The following PCDHGB6 variants were observed in gnomAD, a reference collection of about 807,000 sequenced individuals.
The protein encoded by PCDHGB6 is protocadherin gamma-B6.
Under a neutral mutation model 59.1 loss-of-function variants are expected in PCDHGB6, and 51 were observed. The observed-to-expected ratio is 0.86, with a 90% CI of 0.69 to 1.09. PCDHGB6 has a LOEUF of 1.09. Ranked by LOEUF, PCDHGB6 falls within the 50% of genes least tolerant of loss-of-function variation. The pLI is 0.00. For missense variants in PCDHGB6, 1,148 were observed against 1,205.1 expected (o/e 0.95, Z 0.70); for synonymous variants, 466 against 495.1 (o/e 0.94, Z 0.78).
intron 1 of PCDHGB6, among the ~76,000 whole-genome samples, chr5:141,444,476 C>A (rs1228271706): frequency 6.6e-6 from 1 of 152,088 alleles, no homozygotes; most frequent in Non-Finnish European, 1.5e-5. Flanking sequence ...CGGTCGCGTA[C>A]TGGATTTATA....
chr5:141,416,859 G>A (rs1411419006), intron 1 of PCDHGB6: 1 of 151,936 alleles, frequency 6.6e-6, no homozygotes, highest in South Asian at 2.1e-4. Context: ...ATTTTTTTCA[G>A]GTCAGTCAAC....
intron 1 of PCDHGB6, chr5:141,427,865 G>T: frequency 6.4e-7 from 1 of 1,558,148 alleles, no homozygotes; most frequent in Non-Finnish European, 8.8e-7. Context: ...GCGCCTTCGA[G>T]CTCACGATGC....
At chr5:141,460,134 T>TCAAAGA in intron 1 of PCDHGB6, among the ~76,000 whole-genome samples, 1 of 152,066 alleles carries the variant, frequency 6.6e-6, no homozygotes, top group South Asian at 2.1e-4. Flanking sequence ...AATATATATA[T>TCAAAGA]TCTTGATGTG....
chr5:141,436,087 T>C (rs927404291), intron 1 of PCDHGB6, among the ~76,000 whole-genome samples: 1 of 152,198 alleles, frequency 6.6e-6, no homozygotes, highest in Non-Finnish European at 1.5e-5. Flanking sequence ...CTATAGGTAA[T>C]ATTGAGAGAA....
intron 1 of PCDHGB6, among the ~76,000 whole-genome samples, chr5:141,482,633 G>T (rs1218163238): frequency 2.0e-5 from 3 of 151,784 alleles, no homozygotes; most frequent in Non-Finnish European, 2.9e-5. Flanking sequence ...AGGAAGAAAT[G>T]ATAGAGGTGG....
chr5:141,432,120 A>G lies in PCDHGB6; in HGVS notation c.2418+21500A>G, dbSNP rs764363553. 12 of 1,613,978 alleles carry G rather than the reference A, an allele frequency of 7.4e-6. No homozygotes were observed. The highest frequency in any genetic ancestry group is 5.3e-5 in the African/African-American group (4 of 74,894). ...AACGACAACCCGCCGGTCTTCCCTCAGGCCTCCTATTCCGCTTATATCCCA... is the reference window on the plus strand; with the variant it reads ...AACGACAACCCGCCGGTCTTCCCTCGGGCCTCCTATTCCGCTTATATCCCA... On this transcript the variant is annotated intron_variant, in intron 1 of 3. Transcript: ENST00000520790. The surrounding 1 kb of genome is among the most constrained non-coding windows in gnomAD (Gnocchi z 6.0).
rs748115530 is a variant in PCDHGB6 at position 141,489,429 on chromosome 5, G to C, written c.2419-5378G>C. 5 of 1,614,022 alleles carry C rather than the reference G, an allele frequency of 3.1e-6. No individual in the cohort carries two copies. The East Asian group carries it at 8.9e-5, about 29-fold the overall frequency. ...AGATGACAGATCTGTTGAGCCGGCG[G>C]CTGCAATTGGGCTCTGAGGAGAATG... On this transcript the variant is annotated intron_variant, in intron 1 of 3. Transcript: ENST00000520790. The surrounding 1 kb of genome is among the most constrained non-coding windows in gnomAD (Gnocchi z 4.5).
intron 1 of PCDHGB6, chr5:141,478,121 G>A (rs1393103666): frequency 1.2e-6 from 2 of 1,613,918 alleles, no homozygotes; most frequent in South Asian, 1.1e-5. Flanking sequence ...AGTAACCGAG[G>A]ACTCTCCTGA....
At chr5:141,482,089 CAA>C (rs36035257) in intron 1 of PCDHGB6, among the ~76,000 whole-genome samples, 9,071 of 134,384 alleles carry the variant, frequency 0.068, 318 homozygotes, top group South Asian at 0.13. Context: ...CACTCCATCT[CAA>C]AAAAAAAAAA....
intron 1 of PCDHGB6, among the ~76,000 whole-genome samples, chr5:141,494,512 C>T (rs2154591503): frequency 6.6e-6 from 1 of 152,276 alleles, no homozygotes; most frequent in Middle Eastern, 3.4e-3. Context: ...AATTTTGGCT[C>T]AGGAGTTCTG....
intron 1 of PCDHGB6, chr5:141,478,393 G>A (rs2099452978): frequency 6.2e-7 from 1 of 1,613,488 alleles, no homozygotes; most frequent in South Asian, 1.1e-5. Flanking sequence ...TTTACCATCA[G>A]GTGTATCTCA....
chr5:141,476,229 C>A lies in PCDHGB6; in HGVS notation c.2419-18578C>A, dbSNP rs761790915. The A allele has an allele frequency of 1.9e-6, 3 of 1,613,872 alleles. No homozygotes were observed. The South Asian group carries it at 3.3e-5, about 18-fold the overall frequency. ...TCCACGGTCATTCACTATGAGATCC[C>A]GGAGGAAAGAGAGAAGGGTTTCGCT... On this transcript the variant is annotated intron_variant, in intron 1 of 3. Transcript: ENST00000520790. This position sits in a 1 kb window ranked among gnomAD's most constrained non-coding sequence, Gnocchi z 7.6.
chr5:141,499,029 A>AAGGAAGGAAGGAAGGAAGG (rs1562187768), intron 2 of PCDHGB6, among the ~76,000 whole-genome samples: 3 of 140,076 alleles, frequency 2.1e-5, no homozygotes, highest in African/African-American at 8.3e-5. Flanking sequence ...AGGAAGGAAG[A>AAGGAAGGAAGGAAGGAAGG]AAAGAAAGAA....
chr5:141,493,206 C>A lies in PCDHGB6; in HGVS notation c.2419-1601C>A, dbSNP rs191090598. Among the ~76,000 whole-genome samples the A allele has an allele frequency of 2.4e-3, 368 of 152,322 alleles. 2 individuals carry two copies. Among genetic ancestry groups the A allele is most frequent in the Admixed American group, 4.5e-3 (69 of 15,296 alleles). On this transcript the variant is annotated intron_variant, in intron 1 of 3. Transcript: ENST00000520790. This position sits in a 1 kb window ranked among gnomAD's most constrained non-coding sequence, Gnocchi z 4.3. ...TATAACTCCTTTGAGAACCTCATCT[C>A]ATTTGCTCTTCCCACCATTGCTGTT...
At chr5:141,429,039 A>G (rs565483195) in intron 1 of PCDHGB6, 1 of 152,202 alleles carries the variant, frequency 6.6e-6, no homozygotes, top group East Asian at 1.9e-4. Flanking sequence ...CATTTTTAGT[A>G]CAGACGGGGT....
chr5:141,411,192 G>C (rs2095472836), intron 1 of PCDHGB6: 1 of 152,098 alleles, frequency 6.6e-6, no homozygotes, highest in African/African-American at 2.4e-5. Flanking sequence ...TGGCATCTAA[G>C]AAAACAAACA....
intron 3 of PCDHGB6, among the ~76,000 whole-genome samples, chr5:141,509,751 A>T (rs1430265981): frequency 6.6e-6 from 1 of 151,998 alleles, no homozygotes; most frequent in Admixed American, 6.5e-5. Flanking sequence ...CCTGTGCCTA[A>T]AGTGTCCCTG....
chr5:141,418,324 G>A, intron 1 of PCDHGB6: 2 of 1,614,006 alleles, frequency 1.2e-6, no homozygotes, highest in Non-Finnish European at 1.7e-6. Context: ...CAATTCTTGA[G>A]TCTGCAGAAG....
intron 1 of PCDHGB6, among the ~76,000 whole-genome samples, chr5:141,452,868 C>T (rs1339532803): frequency 6.6e-6 from 1 of 152,170 alleles, no homozygotes; most frequent in Non-Finnish European, 1.5e-5. Flanking sequence ...TTTTCTAACT[C>T]CATTTGTAAT....
Sources: gnomAD v4.1 joint callset for allele counts (sites outside exome capture counted in the v4.1 genomes callset) on GRCh38, gnomAD v4.1.1 for gene constraint, Gnocchi (gnomAD v3.1) non-coding constraint, MANE v1.5 for transcripts, NCBI Gene and HGNC (gene_info 2026-07-23, HGNC 2026-07-21) for gene names.